The following ADAMTSL1 variants were observed in gnomAD, a reference collection of about 807,000 sequenced individuals.
ADAMTSL1 encodes ADAMTS like 1.
Under a neutral mutation model 201.8 loss-of-function variants are expected in ADAMTSL1, and 126 were observed. The ratio of observed to expected loss-of-function variants is 0.62; its 90% CI spans 0.54 to 0.72. The LOEUF (loss-of-function observed/expected upper bound fraction) is 0.72, where lower values mean the gene tolerates loss of function less well. Ranked by LOEUF, ADAMTSL1 falls within the 30% of genes least tolerant of loss-of-function variation. The pLI is 0.00. For synonymous variants in ADAMTSL1, 1,121 were observed against 903.4 expected, an observed-to-expected ratio of 1.24 and a Z score of -4.32; for missense variants, 2,679 against 2,277.8, an observed-to-expected ratio of 1.18 and a Z score of -3.59.
intron 1 of ADAMTSL1, among the ~76,000 whole-genome samples, chr9:18,100,061 C>T (rs530398152): frequency 1.1e-4 from 17 of 151,862 alleles, no homozygotes; most frequent in South Asian, 2.1e-4. Context: ...TTTTCTAATT[C>T]GGAATTAATA....
chr9:18,601,007 C>A (rs1301388718), intron 4 of ADAMTSL1, among the ~76,000 whole-genome samples: 3 of 152,148 alleles, frequency 2.0e-5, no homozygotes, highest in Non-Finnish European at 4.4e-5. Flanking sequence ...CAGCATTATT[C>A]TCCTTCACTT....
chr9:18,706,957 A>G lies in ADAMTSL1; in HGVS notation c.1785A>G (p.Thr595=). The change falls in exon 14 of 29, where the codon ACA becomes ACG. Residue 595 remains threonine (T), a synonymous_variant. Coordinates refer to ENST00000380548, the MANE Select transcript of ADAMTSL1 (RefSeq NM_001040272.6). ...GEIPEFNPDE[T]DGLFGGLQDF... ...TTCCTGAGTTCAACCCAGACGAGAC[A>G]GATGGGCTCTTTGGTGGCCTGCAGG... The G allele has an allele frequency of 1.9e-6, 3 of 1,613,984 alleles. No homozygotes were observed. The highest frequency in any genetic ancestry group is 2.5e-6 in the Non-Finnish European group (3 of 1,179,888).
intron 2 of ADAMTSL1, among the ~76,000 whole-genome samples, chr9:18,264,321 C>T (rs953498983): frequency 2.6e-5 from 4 of 152,118 alleles, no homozygotes; most frequent in Non-Finnish European, 2.9e-5. Flanking sequence ...TTAATCGATC[C>T]TTAACTTCCA....
chr9:18,718,301 T>C, intron 14 of ADAMTSL1: 3 of 748,370 alleles, frequency 4.0e-6, no homozygotes, highest in Non-Finnish European at 7.5e-6. Flanking sequence ...ATGCAAAGCC[T>C]TGTCCATTTC....
chr9:18,870,846 G>A (rs1438346530), intron 23 of ADAMTSL1, among the ~76,000 whole-genome samples: 6 of 152,094 alleles, frequency 3.9e-5, no homozygotes, highest in Admixed American at 2.0e-4. Flanking sequence ...CTGCAGGAAG[G>A]TAAGTCCAAC....
chr9:18,289,718 T>G (rs1363340640), intron 2 of ADAMTSL1, among the ~76,000 whole-genome samples: 1 of 152,182 alleles, frequency 6.6e-6, no homozygotes, highest in African/African-American at 2.4e-5. Context: ...CTGAGCTCTT[T>G]CCTCAAGTTT....
chr9:17,951,828 T>C (rs1827739195), intron 1 of ADAMTSL1, among the ~76,000 whole-genome samples: 2 of 152,134 alleles, frequency 1.3e-5, no homozygotes, highest in African/African-American at 2.4e-5. Context: ...TTCTTTTTTC[T>C]GTTTTTAGAG....
intron 1 of ADAMTSL1, among the ~76,000 whole-genome samples, chr9:17,934,163 G>A (rs769142703): frequency 2.6e-5 from 4 of 152,128 alleles, no homozygotes; most frequent in Non-Finnish European, 5.9e-5. Flanking sequence ...TGTATGTGGT[G>A]TCCAAAGTGG....
intron 1 of ADAMTSL1, among the ~76,000 whole-genome samples, chr9:17,935,306 G>A (rs551702379): frequency 5.3e-5 from 8 of 151,998 alleles, no homozygotes; most frequent in South Asian, 2.1e-4. Context: ...ATGTTCCCCC[G>A]GCACCAGTTC....
chr9:18,270,282 G>A (rs1260906734), intron 2 of ADAMTSL1, among the ~76,000 whole-genome samples: 1 of 152,016 alleles, frequency 6.6e-6, no homozygotes, highest in Non-Finnish European at 1.5e-5. Flanking sequence ...TCATTCATGA[G>A]GACTCAGCCC....
chr9:17,940,178 T>C (rs1471940088), intron 1 of ADAMTSL1, among the ~76,000 whole-genome samples: 1 of 152,124 alleles, frequency 6.6e-6, no homozygotes, highest in Non-Finnish European at 1.5e-5. Flanking sequence ...TTTAATGCTT[T>C]TGTTTGCATG....
At chr9:18,846,203 G>C (rs1027716625) in intron 23 of ADAMTSL1, among the ~76,000 whole-genome samples, 1 of 152,214 alleles carries the variant, frequency 6.6e-6, no homozygotes, top group Non-Finnish European at 1.5e-5. Flanking sequence ...ATTGATGTTT[G>C]TAGTCCTTTG....
chr9:18,891,021 T>C (rs1829230021), intron 25 of ADAMTSL1, among the ~76,000 whole-genome samples: 1 of 152,014 alleles, frequency 6.6e-6, no homozygotes, highest in Non-Finnish European at 1.5e-5. Context: ...GTGGCTCTGC[T>C]CCTGTGGGTT....
At chr9:18,376,108 C>G (rs1837285228) in intron 2 of ADAMTSL1, among the ~76,000 whole-genome samples, 1 of 152,176 alleles carries the variant, frequency 6.6e-6, no homozygotes, top group African/African-American at 2.4e-5. Flanking sequence ...TTCTTCTGTT[C>G]CAGAAATAAT....
chr9:18,865,741 G>T (rs1256478430), intron 23 of ADAMTSL1, among the ~76,000 whole-genome samples: 5 of 152,068 alleles, frequency 3.3e-5, no homozygotes, highest in Non-Finnish European at 7.3e-5. Context: ...GTTAAGAAGG[G>T]TTGATAGAGA....
intron 2 of ADAMTSL1, among the ~76,000 whole-genome samples, chr9:18,344,108 T>G (rs753895507): frequency 6.6e-5 from 10 of 152,170 alleles, no homozygotes; most frequent in Admixed American, 4.6e-4. Context: ...CAGGTCTCAC[T>G]TTCTTTGTCA....
chr9:18,084,527 A>G (rs1449292263), intron 1 of ADAMTSL1, among the ~76,000 whole-genome samples: 4 of 152,040 alleles, frequency 2.6e-5, no homozygotes, highest in Admixed American at 6.6e-5. Flanking sequence ...ATCTCAAAAA[A>G]AAAAGAAAAG....
intron 2 of ADAMTSL1, among the ~76,000 whole-genome samples, chr9:18,215,235 C>A (rs1216398444): frequency 6.6e-6 from 1 of 151,940 alleles, no homozygotes; most frequent in Non-Finnish European, 1.5e-5. Context: ...TTGACAGTTC[C>A]AGTAGTTACT....
chr9:18,679,146 C>G (rs1676970612), intron 10 of ADAMTSL1, among the ~76,000 whole-genome samples: 2 of 152,100 alleles, frequency 1.3e-5, no homozygotes, highest in South Asian at 2.1e-4. Context: ...GAAGAGAAAT[C>G]AAACTCACAA....
Sources: gnomAD v4.1 joint callset for allele counts (sites outside exome capture counted in the v4.1 genomes callset) on GRCh38, gnomAD v4.1.1 for gene constraint, MANE v1.5 for transcripts, NCBI Gene and HGNC (gene_info 2026-07-23, HGNC 2026-07-21) for gene names.